NKAIN2: variants seen among roughly 807,000 people sequenced by gnomAD.
NKAIN2 encodes the protein sodium/potassium transporting ATPase interacting 2, also known as sodium/potassium-transporting ATPase subunit beta-1-interacting protein 2.
A neutral mutation model predicts 32.6 loss-of-function variants in NKAIN2; 14 were observed. The observed-to-expected ratio is 0.43, with a 90% CI of 0.28 to 0.67. NKAIN2 has a LOEUF of 0.67. Among genes scored for constraint, NKAIN2 ranks in the 30% least tolerant of loss-of-function variants. The pLI is 0.17. For synonymous variants in NKAIN2, 80 were observed against 87.2 expected, an observed-to-expected ratio of 0.92 and a Z score of 0.46; for missense variants, 198 against 258.3, an observed-to-expected ratio of 0.77 and a Z score of 1.60.
intron 2 of NKAIN2, among the ~76,000 whole-genome samples, chr6:124,333,914 A>G (rs1797765467): frequency 6.6e-6 from 1 of 152,172 alleles, no homozygotes; most frequent in Non-Finnish European, 1.5e-5. Context: ...TAGCCAAAAT[A>G]TGCATAACTT....
intron 3 of NKAIN2, among the ~76,000 whole-genome samples, 176 bp from the exon 4 acceptor site, chr6:124,658,010 T>C (rs962319203): frequency 1.3e-5 from 2 of 151,886 alleles, no homozygotes; most frequent in East Asian, 1.9e-4. Context: ...GATGAATCCA[T>C]AGATGCATAA....
chr6:124,778,071 T>C (rs1190767363), intron 4 of NKAIN2, among the ~76,000 whole-genome samples: 1 of 152,060 alleles, frequency 6.6e-6, no homozygotes, highest in Non-Finnish European at 1.5e-5. Context: ...CAGATTGTCA[T>C]CAAACTTCGC....
intron 3 of NKAIN2, among the ~76,000 whole-genome samples, chr6:124,517,452 C>T (rs957629235): frequency 2.6e-5 from 4 of 152,108 alleles, no homozygotes; most frequent in East Asian, 1.9e-4. Context: ...CCTCAAAGTA[C>T]TCCACACAGC....
intron 4 of NKAIN2, among the ~76,000 whole-genome samples, chr6:124,781,338 C>T (rs111926062): frequency 1.9e-4 from 29 of 152,054 alleles, no homozygotes; most frequent in African/African-American, 6.5e-4. Flanking sequence ...GAAATTATCT[C>T]CTTAGTTTTG....
At position 124,307,291 on chromosome 6, in the gene NKAIN2, G is replaced by A. The variant is rs911944893; in HGVS notation, c.192+24149G>A. ...AGTAAAATGTTCTGGCTAAATAAAA[G>A]TGAAAATAGATAAAATTTCTTGAAC... On this transcript the variant is annotated intron_variant, in intron 2 of 6. Transcript: ENST00000368417. Among the ~76,000 whole-genome samples the A allele has an allele frequency of 7.2e-5, 11 of 152,246 alleles. No homozygotes were observed. The South Asian group carries it at 8.3e-4, about 11-fold the overall frequency.
At chr6:124,813,143 G>A (rs796067449) in intron 5 of NKAIN2, among the ~76,000 whole-genome samples, 1 of 152,160 alleles carries the variant, frequency 6.6e-6, no homozygotes, top group African/African-American at 2.4e-5. Context: ...CAGACATGAA[G>A]CACATGAACT....
At chr6:124,152,383 G>T (rs951305501) in intron 1 of NKAIN2, among the ~76,000 whole-genome samples, 1 of 151,916 alleles carries the variant, frequency 6.6e-6, no homozygotes, top group African/African-American at 2.4e-5. Context: ...ACCTGGTAGT[G>T]TATGTCTTGC....
intron 1 of NKAIN2, among the ~76,000 whole-genome samples, chr6:124,146,189 A>C (rs1315273968): frequency 6.6e-6 from 1 of 152,210 alleles, no homozygotes; most frequent in African/African-American, 2.4e-5. Context: ...ATTTATAAAG[A>C]AATTGTTAGA....
chr6:124,401,182 G>A (rs1773608619), intron 3 of NKAIN2, among the ~76,000 whole-genome samples: 1 of 152,084 alleles, frequency 6.6e-6, no homozygotes, highest in South Asian at 2.1e-4. Context: ...TTATGTACCT[G>A]TCTCTCAGTA....
At chr6:124,676,207 C>T (rs1773347901) in intron 4 of NKAIN2, among the ~76,000 whole-genome samples, 1 of 152,064 alleles carries the variant, frequency 6.6e-6, no homozygotes, top group Non-Finnish European at 1.5e-5. Flanking sequence ...TGATTTCAAT[C>T]TTCTTAAATC....
chr6:124,060,189 C>T (rs1782861280), intron 1 of NKAIN2, among the ~76,000 whole-genome samples: 2 of 152,168 alleles, frequency 1.3e-5, no homozygotes. Flanking sequence ...GAGACAATCA[C>T]AATCACATTT....
chr6:124,383,616 C>A (rs1772749465), intron 3 of NKAIN2, among the ~76,000 whole-genome samples: 1 of 152,144 alleles, frequency 6.6e-6, no homozygotes, highest in African/African-American at 2.4e-5. Flanking sequence ...TTCTTACTGA[C>A]CTTGGATAAA....
At chr6:123,984,198 C>T (rs149002163) in intron 1 of NKAIN2, among the ~76,000 whole-genome samples, 5,749 of 152,212 alleles carry the variant, frequency 0.038, 161 homozygotes, top group South Asian at 0.057. Flanking sequence ...TGAGTCACCG[C>T]GCCCGGCCAG....
intron 3 of NKAIN2, among the ~76,000 whole-genome samples, chr6:124,522,879 C>G (rs1366147670): frequency 6.6e-6 from 1 of 151,850 alleles, no homozygotes; most frequent in African/African-American, 2.4e-5. Context: ...CGCGGTGGCT[C>G]ACGCCTGTAA....
chr6:124,075,656 C>T (rs1026650943), intron 1 of NKAIN2, among the ~76,000 whole-genome samples: 11 of 152,094 alleles, frequency 7.2e-5, no homozygotes, highest in Non-Finnish European at 1.5e-4. Context: ...AATGCAGTGG[C>T]GTAATCTCAG....
At chr6:124,651,715 T>C (rs1211997067) in intron 3 of NKAIN2, among the ~76,000 whole-genome samples, 2 of 152,166 alleles carry the variant, frequency 1.3e-5, no homozygotes, top group Middle Eastern at 3.2e-3. Flanking sequence ...GTCAAGGAGC[T>C]TGTGGAGGGC....
chr6:124,565,074 G>A (rs757967906), intron 3 of NKAIN2, among the ~76,000 whole-genome samples: 2 of 152,098 alleles, frequency 1.3e-5, no homozygotes, highest in Non-Finnish European at 2.9e-5. Context: ...CAAGAGATTT[G>A]TCTGGGATTG....
intron 1 of NKAIN2, among the ~76,000 whole-genome samples, chr6:123,959,995 T>C (rs1777774611): frequency 6.6e-6 from 1 of 151,280 alleles, no homozygotes; most frequent in African/African-American, 2.4e-5. Context: ...ACTTGAAAGT[T>C]GTGGGAATTT....
At position 124,757,797 on chromosome 6, in the gene NKAIN2, A is replaced by C. The variant is rs532016672; in HGVS notation, c.475-33542A>C. On this transcript the variant is annotated intron_variant, in intron 4 of 6. Coordinates refer to ENST00000368417, the MANE Select transcript of NKAIN2 (RefSeq NM_001040214.3). The stretch of plus-strand genomic sequence containing the variant: ...TTTGAAATATAAAATATGCCAGGAC[A>C]CTAAATTAAATAGACCCAAATAGTC... 3.9e-5 allele frequency among the ~76,000 whole-genome samples: 6 copies of C among 152,314 alleles called. No homozygotes were observed. In the East Asian group the frequency reaches 1.2e-3, roughly 29 times the overall value.
Sources: allele counts gnomAD v4.1 joint callset (sites outside exome capture counted in the v4.1 genomes callset), GRCh38; gene constraint gnomAD v4.1.1; transcripts MANE v1.5; gene names NCBI Gene and HGNC (gene_info 2026-07-23, HGNC 2026-07-21).